CASQ2: variants seen among roughly 807,000 people sequenced by gnomAD.
CASQ2 encodes calsequestrin-2.
In CASQ2, 49 loss-of-function variants were observed where a neutral mutation model predicts 46.5. That is an observed-to-expected ratio of 1.05 (90% CI 0.84 to 1.34). The LOEUF (loss-of-function observed/expected upper bound fraction) is 1.34. Ranked by LOEUF, CASQ2 falls within the 40% of genes most tolerant of loss-of-function variation. The pLI is 0.00. For synonymous variants in CASQ2, 174 were observed against 168.5 expected (o/e 1.03, Z -0.25); for missense variants, 486 against 481.3 (o/e 1.01, Z -0.09).
rs184483890 is a variant in CASQ2 at position 115,729,939 on chromosome 1, G to A, written c.607-2817C>T. On this transcript the variant is annotated intron_variant, in intron 5 of 10. Coordinates refer to ENST00000261448, the MANE Select transcript of CASQ2 (RefSeq NM_001232.4). ...CAGAGAGAGGAACAGGTCAGTGGGC[G>A]GGGACATGGGATTTTAAGAACTGAT... 6.3e-3 allele frequency among the ~76,000 whole-genome samples: 959 copies of A among 152,250 alleles called. 6 individuals carry two copies. Among genetic ancestry groups the A allele is most frequent in the Non-Finnish European group, 0.01 (699 of 68,024 alleles).
At chr1:115,712,565 C>G (rs1007950254) in intron 8 of CASQ2, among the ~76,000 whole-genome samples, 1 of 152,132 alleles carries the variant, frequency 6.6e-6, no homozygotes, top group Non-Finnish European at 1.5e-5. Context: ...GCACCTAACA[C>G]GTCGGGTTGT....
At chr1:115,766,004 T>C (rs1316813353) in intron 1 of CASQ2, among the ~76,000 whole-genome samples, 1 of 152,232 alleles carries the variant, frequency 6.6e-6, no homozygotes, top group African/African-American at 2.4e-5. Context: ...TTTTTTCCCT[T>C]GATGCTGCGC....
At chr1:115,731,075 C>T (rs1647765529) in intron 5 of CASQ2, among the ~76,000 whole-genome samples, 1 of 152,194 alleles carries the variant, frequency 6.6e-6, no homozygotes, top group African/African-American at 2.4e-5. Context: ...CCTCTCAGTG[C>T]TCTCCCCTCT....
intron 2 of CASQ2, among the ~76,000 whole-genome samples, chr1:115,742,437 T>C (rs1220997369): frequency 1.3e-5 from 2 of 151,940 alleles, no homozygotes; most frequent in African/African-American, 4.8e-5. Flanking sequence ...ATAAGGCAAA[T>C]GGAAAAGAAA....
chr1:115,721,737 A>G (rs1311086353), intron 7 of CASQ2, among the ~76,000 whole-genome samples: 1 of 151,962 alleles, frequency 6.6e-6, no homozygotes, highest in African/African-American at 2.4e-5. Context: ...CACCCAGCTA[A>G]TTTTTGTATT....
intron 2 of CASQ2, 41 bp from the exon 3 acceptor site, chr1:115,740,869 CG>C: frequency 7.4e-7 from 1 of 1,359,930 alleles, no homozygotes; most frequent in Non-Finnish European, 1.1e-6. Flanking sequence ...GTCATCCTGA[CG>C]TAGGAAGAGT....
intron 8 of CASQ2, among the ~76,000 whole-genome samples, chr1:115,717,113 T>C (rs1344347729): frequency 6.6e-6 from 1 of 152,216 alleles, no homozygotes; most frequent in African/African-American, 2.4e-5. Context: ...CTTTGCCTTC[T>C]GCCATGAGTA....
At chr1:115,734,503 C>T (rs547835239) in intron 4 of CASQ2, among the ~76,000 whole-genome samples, 2 of 152,344 alleles carry the variant, frequency 1.3e-5, no homozygotes, top group African/African-American at 4.8e-5. Flanking sequence ...CAAAATGTGG[C>T]TTGACCTTTA....
chr1:115,750,306 C>T (rs1648533613), intron 1 of CASQ2, among the ~76,000 whole-genome samples: 1 of 152,134 alleles, frequency 6.6e-6, no homozygotes, highest in Non-Finnish European at 1.5e-5. Context: ...TGTTTCTCTG[C>T]TGGTTTTGTT....
rs72554060 is a variant in CASQ2, at chr1:115,717,818, G to A, written c.838+22C>T. On this transcript the variant is annotated intron_variant, in intron 8 of 10. Coordinates refer to ENST00000261448, the MANE Select transcript of CASQ2 (RefSeq NM_001232.4). ...ATCAGTTCTTGCTAGAGCTGTAAAA[G>A]AGCAGGTTGAAGGTTTCCTACCTGG... 5.6e-4 allele frequency: 873 copies of A among 1,565,874 alleles called. 1 individual carries two copies. The highest frequency in any genetic ancestry group is 7.4e-4 in the Non-Finnish European group (845 of 1,136,588).
intron 3 of CASQ2, among the ~76,000 whole-genome samples, chr1:115,740,017 C>T (rs1648125249): frequency 6.6e-6 from 1 of 152,156 alleles, no homozygotes; most frequent in African/African-American, 2.4e-5. Context: ...CAACTCACTT[C>T]TGACCTTCCC....
intron 8 of CASQ2, among the ~76,000 whole-genome samples, chr1:115,709,600 A>G (rs1654478808): frequency 6.6e-6 from 1 of 152,210 alleles, no homozygotes; most frequent in Non-Finnish European, 1.5e-5. Context: ...CAGTTCTCAA[A>G]ATCAGAAGAG....
chr1:115,714,165 C>T (rs913706094), intron 8 of CASQ2, among the ~76,000 whole-genome samples: 1 of 152,164 alleles, frequency 6.6e-6, no homozygotes, highest in African/African-American at 2.4e-5. Context: ...GTGAGGTAAG[C>T]TCTCTCAGCC....
chr1:115,715,679 AT>A (rs1252628381), intron 8 of CASQ2, among the ~76,000 whole-genome samples: 2 of 152,232 alleles, frequency 1.3e-5, no homozygotes, highest in Non-Finnish European at 2.9e-5. Context: ...AAGGGTTACT[AT>A]TATGGTATAT....
chr1:115,759,952 G>A (rs1263199413), intron 1 of CASQ2, among the ~76,000 whole-genome samples: 1 of 152,248 alleles, frequency 6.6e-6, no homozygotes, highest in East Asian at 1.9e-4. Context: ...TAAAAGCCAG[G>A]CAATTCAACT....
Position 115,745,540 on chromosome 1 carries a change from C to T in CASQ2, c.235-628G>A, listed in dbSNP as rs80107061. 1.0e-3 allele frequency among the ~76,000 whole-genome samples: 155 copies of T among 152,258 alleles called. 1 individual carries two copies. The East Asian group carries it at 0.027, about 26-fold the overall frequency. On this transcript the variant is annotated intron_variant, in intron 1 of 10. Coordinates refer to ENST00000261448, the MANE Select transcript of CASQ2 (RefSeq NM_001232.4). ...TCCTAGATGGACAGATAGCTGAAAA[C>T]TTCTCTGGGTAGACACCAGCATAGA...
intron 1 of CASQ2, among the ~76,000 whole-genome samples, chr1:115,750,203 A>G (rs1648529599): frequency 6.6e-6 from 1 of 152,220 alleles, no homozygotes; most frequent in African/African-American, 2.4e-5. Context: ...ATACGTGAGA[A>G]AAAAAGGTAG....
chr1:115,720,256 T>A (rs567915907), intron 7 of CASQ2, among the ~76,000 whole-genome samples: 103 of 152,240 alleles, frequency 6.8e-4, no homozygotes, highest in African/African-American at 2.3e-3. Context: ...GCCGGCAGAT[T>A]TGGTGTCTCG....
At chr1:115,728,852 G>A (rs927752134) in intron 5 of CASQ2, among the ~76,000 whole-genome samples, 14 of 151,962 alleles carry the variant, frequency 9.2e-5, no homozygotes, top group African/African-American at 2.7e-4. Flanking sequence ...TGATAGTCTC[G>A]TCTCTGAATG....
Sources: gnomAD v4.1 joint callset for allele counts (sites outside exome capture counted in the v4.1 genomes callset) on GRCh38, gnomAD v4.1.1 for gene constraint, MANE v1.5 for transcripts, NCBI Gene and HGNC (gene_info 2026-07-23, HGNC 2026-07-21) for gene names.